The following SVOPL variants were observed in gnomAD, a reference collection of about 807,000 sequenced individuals.
The protein encoded by SVOPL is putative transporter SVOPL.
Under a neutral mutation model 61.0 loss-of-function variants are expected in SVOPL, and 60 were observed. That is an observed-to-expected ratio of 0.98 (90% confidence interval 0.80 to 1.22). The LOEUF (loss-of-function observed/expected upper bound fraction) is 1.22, where lower values mean the gene tolerates loss of function less well. Ranked by LOEUF, SVOPL falls within the 50% of genes most tolerant of loss-of-function variation. The probability of loss-of-function intolerance (pLI) is 0.00; values close to 1 mark genes in which losing one functional copy is unlikely to be tolerated. For synonymous variants in SVOPL, 279 were observed against 250.0 expected, an observed-to-expected ratio of 1.12 and a Z score of -1.09; for missense variants, 662 against 643.9, an observed-to-expected ratio of 1.03 and a Z score of -0.30.
chr7:138,622,202 GTATCTATCTATC>G (rs1195847598), intron 13 of SVOPL, among the ~76,000 whole-genome samples: 1 of 59,392 alleles, frequency 1.7e-5, no homozygotes, highest in Non-Finnish European at 3.5e-5. Context: ...ATCTATCTAT[GTATCTATCTATC>G]TATCTATGTA....
chr7:138,647,925 C>T lies in SVOPL; in HGVS notation c.660+1087G>A, dbSNP rs141379112. 9.1e-3 allele frequency among the ~76,000 whole-genome samples: 1,384 copies of T among 151,722 alleles called. 12 individuals carry two copies. The highest frequency in any genetic ancestry group is 0.014 in the Non-Finnish European group (983 of 67,982). Reference sequence around the variant, plus strand: ...CAGAGACCTGCTTCTACATGGGATGCCTGTATTGAGTCGAGGTTTAGAATG... The same window carrying T: ...CAGAGACCTGCTTCTACATGGGATGTCTGTATTGAGTCGAGGTTTAGAATG... On this transcript the variant is annotated intron_variant, in intron 8 of 15. Transcript: ENST00000674285.
chr7:138,642,372 A>G (rs1278017674), intron 9 of SVOPL, among the ~76,000 whole-genome samples: 1 of 151,848 alleles, frequency 6.6e-6, no homozygotes, highest in Admixed American at 6.6e-5. Flanking sequence ...AAATACACAA[A>G]CTTCTAGTAA....
Position 138,621,127 on chromosome 7 carries a change from G to T in SVOPL, c.1272C>A (p.Pro424=). The change falls in exon 14 of 16, where the codon CCC becomes CCA. Residue 424 remains proline (P), a synonymous_variant. Transcript: ENST00000674285. ...CCATCCCCAAAGCGCGCATCGTGGT[G>T]GGGTAGACCTGCAGGGAGAGGCACG... ...TVYIYTAEVY[P]TTMRALGMGT... 1.2e-6 allele frequency: 2 copies of T among 1,613,132 alleles called. No individual in the cohort carries two copies. The highest frequency in any genetic ancestry group is 8.5e-7 in the Non-Finnish European group (1 of 1,179,636).
chr7:138,600,824 GC>G (rs1798485445), intron 14 of SVOPL, among the ~76,000 whole-genome samples: 1 of 152,098 alleles, frequency 6.6e-6, no homozygotes, highest in African/African-American at 2.4e-5. Flanking sequence ...CACGAGATAA[GC>G]TTTGGCGAGA....
At chr7:138,642,428 AT>A (rs1800858622) in intron 9 of SVOPL, among the ~76,000 whole-genome samples, 1 of 152,140 alleles carries the variant, frequency 6.6e-6, no homozygotes, top group South Asian at 2.1e-4. Context: ...AGTATTAAAA[AT>A]AAAAAGGGCA....
intron 14 of SVOPL, among the ~76,000 whole-genome samples, chr7:138,610,358 T>C (rs1374461083): frequency 6.6e-6 from 1 of 152,142 alleles, no homozygotes; most frequent in Non-Finnish European, 1.5e-5. Flanking sequence ...ACTCTTTTTT[T>C]TTTTATTTGA....
chr7:138,650,123 T>C (rs970533022), intron 7 of SVOPL, among the ~76,000 whole-genome samples: 1 of 152,154 alleles, frequency 6.6e-6, no homozygotes, highest in Non-Finnish European at 1.5e-5. Context: ...AGCCACTGCA[T>C]CCAGCAAAAT....
chr7:138,669,792 C>T (rs1270401772), intron 4 of SVOPL, among the ~76,000 whole-genome samples: 1 of 152,240 alleles, frequency 6.6e-6, no homozygotes, highest in Non-Finnish European at 1.5e-5. Context: ...TGATTCCTTC[C>T]TGCTATGCCC....
intron 14 of SVOPL, among the ~76,000 whole-genome samples, chr7:138,618,829 A>G (rs941974861): frequency 3.3e-5 from 5 of 152,210 alleles, no homozygotes; most frequent in Non-Finnish European, 4.4e-5. Context: ...GAAAATGAAA[A>G]TAAATGAAGG....
chr7:138,618,136 T>A (rs184072864), intron 14 of SVOPL, among the ~76,000 whole-genome samples: 306 of 152,256 alleles, frequency 2.0e-3, no homozygotes, highest in African/African-American at 7.0e-3. Flanking sequence ...AGCATCTCGA[T>A]TGCACAGAAA....
rs530685527 is a variant in SVOPL at position 138,598,285 on chromosome 7, G to A, written c.1354-1755C>T. On this transcript the variant is annotated intron_variant, in intron 14 of 15. Transcript: ENST00000674285. ...ACAAGGGTCAATCCACCAAGAAGAC[G>A]TAGCTATACTGAAGGTTATACATCA... Among the ~76,000 whole-genome samples, 7 of 152,154 alleles carry A rather than the reference G, an allele frequency of 4.6e-5. 1 individual carries two copies. The highest frequency in any genetic ancestry group is 4.2e-4 in the South Asian group (2 of 4,800).
intron 1 of SVOPL, among the ~76,000 whole-genome samples, chr7:138,688,804 T>G (rs1474342666): frequency 1.3e-5 from 2 of 152,096 alleles, no homozygotes; most frequent in Non-Finnish European, 2.9e-5. Context: ...TCAGGAGAAT[T>G]GAGAACATAA....
chr7:138,654,508 T>TTTC (rs1193267152), intron 7 of SVOPL, among the ~76,000 whole-genome samples: 3 of 148,744 alleles, frequency 2.0e-5, no homozygotes, highest in African/African-American at 7.4e-5. Context: ...TTGTTTTTTT[T>TTTC]TTTTTTTTTG....
chr7:138,611,896 G>T (rs868774700), intron 14 of SVOPL, among the ~76,000 whole-genome samples: 26 of 33,522 alleles, frequency 7.8e-4, no homozygotes, highest in East Asian at 1.6e-3. Flanking sequence ...TGGGAGGTGT[G>T]CCCAACAGCT....
At chr7:138,634,411 G>A (rs1800366085) in intron 9 of SVOPL, among the ~76,000 whole-genome samples, 1 of 151,874 alleles carries the variant, frequency 6.6e-6, no homozygotes, top group Admixed American at 6.6e-5. Context: ...GGGAGGCCAA[G>A]GTGGAAGGAT....
chr7:138,610,094 T>C (rs2116807168), intron 14 of SVOPL, among the ~76,000 whole-genome samples: 1 of 152,328 alleles, frequency 6.6e-6, no homozygotes, highest in South Asian at 2.1e-4. Flanking sequence ...AATACAGAAC[T>C]AACTGAAAAG....
chr7:138,667,089 G>A (rs73460937), intron 4 of SVOPL, among the ~76,000 whole-genome samples: 559 of 152,282 alleles, frequency 3.7e-3, no homozygotes, highest in Middle Eastern at 0.024. Flanking sequence ...AAGTTAATAA[G>A]AGGAGTTTTA....
At position 138,637,455 on chromosome 7, in the gene SVOPL, GATAT is replaced by G. The variant is rs1457542181; in HGVS notation, c.789+7258_789+7261del. On this transcript the variant is annotated intron_variant, in intron 9 of 15. Coordinates refer to ENST00000674285, the MANE Select transcript of SVOPL (RefSeq NM_001139456.2). Reference sequence around the variant, plus strand: ...ATATATATATATAGATAGATAGATAGATATATATATATAGATATAGATATAGATA... The same window carrying G: ...ATATATATATATAGATAGATAGATAGATATATATAGATATAGATATAGATA... Among the ~76,000 whole-genome samples, 19 of 36,694 alleles carry G rather than the reference GATAT, an allele frequency of 5.2e-4. 1 individual carries two copies. Among genetic ancestry groups the G allele is most frequent in the African/African-American group, 2.6e-3 (18 of 6,950 alleles). 24.1% of individuals were successfully genotyped at this position (36,694 alleles called of 152,430 possible). A position where few individuals can be genotyped will look rare whatever the true frequency, so the allele number is the denominator to read the frequency against.
intron 14 of SVOPL, chr7:138,597,263 A>C (rs1379812561): frequency 1.6e-6 from 2 of 1,262,654 alleles, no homozygotes; most frequent in Non-Finnish European, 2.1e-6. Context: ...GAATCACAGA[A>C]TAATGTATTA....
Sources: allele counts gnomAD v4.1 joint callset (sites outside exome capture counted in the v4.1 genomes callset), GRCh38; gene constraint gnomAD v4.1.1; transcripts MANE v1.5; gene names NCBI Gene and HGNC (gene_info 2026-07-23, HGNC 2026-07-21).